Variants in YPEL2 observed in about 807,000 individuals in gnomAD.
YPEL2 encodes the protein protein yippee-like 2.
A neutral mutation model predicts 19.1 loss-of-function variants in YPEL2; 2 were observed. That is an observed-to-expected ratio of 0.10 (90% CI 0.04 to 0.33). The LOEUF (loss-of-function observed/expected upper bound fraction) is 0.33. Ranked by LOEUF, YPEL2 falls within the 10% of genes least tolerant of loss-of-function variation. YPEL2 has a pLI of 1.00. For missense variants in YPEL2, 66 were observed against 140.7 expected (o/e 0.47, Z 2.68); for synonymous variants, 52 against 50.0 (o/e 1.04, Z -0.17).
intron 2 of YPEL2, among the ~76,000 whole-genome samples, chr17:59,359,017 G>A (rs1361246321): frequency 6.7e-6 from 1 of 148,602 alleles, no homozygotes. Context: ...TCTGCTTCCC[G>A]GGTTGAAGTG....
At chr17:59,387,813 C>T (rs1017308538) in intron 2 of YPEL2, among the ~76,000 whole-genome samples, 1 of 152,220 alleles carries the variant, frequency 6.6e-6, no homozygotes, top group Non-Finnish European at 1.5e-5. Flanking sequence ...TTCTAGAAGG[C>T]ATGACAAGCG....
At chr17:59,363,151 G>A (rs914117305) in intron 2 of YPEL2, 1 of 150,690 alleles carries the variant, frequency 6.6e-6, no homozygotes, top group Non-Finnish European at 1.5e-5. Flanking sequence ...TGTATATATA[G>A]ATATATATAT....
chr17:59,376,343 C>T (rs746870544), intron 2 of YPEL2, among the ~76,000 whole-genome samples: 3 of 152,130 alleles, frequency 2.0e-5, no homozygotes, highest in African/African-American at 4.8e-5. Context: ...CCTCAACCTC[C>T]CTAGTAGCTG....
chr17:59,376,177 C>G (rs1446312288), intron 2 of YPEL2, among the ~76,000 whole-genome samples: 1 of 152,160 alleles, frequency 6.6e-6, no homozygotes, highest in Non-Finnish European at 1.5e-5. Context: ...GACTTTAGAG[C>G]CAGACTGCCT....
chr17:59,342,804 T>C (rs2047738364), intron 1 of YPEL2, among the ~76,000 whole-genome samples: 2 of 152,216 alleles, frequency 1.3e-5, no homozygotes, highest in South Asian at 4.1e-4. Context: ...CTTCATTTTT[T>C]TGTGACTCAT....
intron 2 of YPEL2, among the ~76,000 whole-genome samples, chr17:59,386,213 G>C (rs1019094050): frequency 1.3e-5 from 2 of 151,766 alleles, no homozygotes; most frequent in South Asian, 2.1e-4. Flanking sequence ...TGTGGTCCCA[G>C]TTACTCTGGA....
At chr17:59,348,110 G>A (rs969111367) in intron 1 of YPEL2, among the ~76,000 whole-genome samples, 4 of 152,194 alleles carry the variant, frequency 2.6e-5, no homozygotes, top group South Asian at 2.1e-4. Context: ...GGTCAGAGTG[G>A]TTTCGTAACT....
At chr17:59,360,713 T>C (rs2047836513) in intron 2 of YPEL2, among the ~76,000 whole-genome samples, 1 of 138,140 alleles carries the variant, frequency 7.2e-6, no homozygotes, top group East Asian at 2.2e-4. Context: ...CAGTGTTTCT[T>C]GGTGAAAAGA....
intron 2 of YPEL2, among the ~76,000 whole-genome samples, chr17:59,385,533 G>A (rs1245541295): frequency 6.6e-6 from 1 of 152,146 alleles, no homozygotes; most frequent in Non-Finnish European, 1.5e-5. Context: ...AGCCATGATC[G>A]TGCCTTTACA....
chr17:59,353,497 T>C lies in YPEL2; in HGVS notation c.88T>C (p.Leu30=). The change falls in exon 2 of 5, where the codon TTG becomes CTG. Residue 30 remains leucine (L), a synonymous_variant. Coordinates refer to ENST00000312655, the MANE Select transcript of YPEL2 (RefSeq NM_001005404.4). This position sits in a 1 kb window ranked among gnomAD's most constrained non-coding sequence, Gnocchi z 4.8. ...TYSCIHCRAH[L]ANHDELISKS... ...CAGCTGCATTCACTGCAGAGCTCAC[T>C]TGGCCAATCATGATGAACTAATTTC... 6.2e-7 allele frequency: 1 copy of C among 1,614,170 alleles called. No individual in the cohort carries two copies.
chr17:59,386,311 A>T (rs1413200672), intron 2 of YPEL2, among the ~76,000 whole-genome samples: 2 of 151,506 alleles, frequency 1.3e-5, no homozygotes, highest in African/African-American at 4.9e-5. Flanking sequence ...TGGGTGACAG[A>T]GTGGGACTCT....
intron 4 of YPEL2, among the ~76,000 whole-genome samples, chr17:59,394,394 C>T (rs1324331487): frequency 2.1e-5 from 3 of 146,240 alleles, no homozygotes; most frequent in Non-Finnish European, 4.5e-5. Flanking sequence ...GGCAGAGGCG[C>T]TCCCCACATC....
At chr17:59,352,233 C>G (rs954498199) in intron 1 of YPEL2, among the ~76,000 whole-genome samples, 2 of 152,212 alleles carry the variant, frequency 1.3e-5, no homozygotes, top group Non-Finnish European at 2.9e-5. Flanking sequence ...AACACCACCC[C>G]TATTAGTGAA....
chr17:59,400,274 A>G lies in YPEL2; in HGVS notation c.*3084A>G, dbSNP rs1005772966. 7 of 152,756 alleles carry G rather than the reference A, an allele frequency of 4.6e-5. No individual in the cohort carries two copies. The East Asian group carries it at 7.7e-4, about 17-fold the overall frequency. 9.5% of individuals were successfully genotyped at this position (152,756 alleles called of 1,614,324 possible). ...GTGTGCGAAAGAGATGACCCTTTATAAAGAGATTTTCAAGTGGATATATAT... is the reference window on the plus strand; with the variant it reads ...GTGTGCGAAAGAGATGACCCTTTATGAAGAGATTTTCAAGTGGATATATAT... On this transcript the variant is annotated 3_prime_UTR_variant, in exon 5 of 5. Coordinates refer to ENST00000312655, the MANE Select transcript of YPEL2 (RefSeq NM_001005404.4).
intron 2 of YPEL2, among the ~76,000 whole-genome samples, chr17:59,375,986 C>G (rs550442075): frequency 8.5e-5 from 13 of 152,326 alleles, no homozygotes; most frequent in Non-Finnish European, 1.5e-4. Flanking sequence ...GGAAGTTTAA[C>G]AGCTCTAGGC....
At chr17:59,343,446 T>G (rs1351765527) in intron 1 of YPEL2, among the ~76,000 whole-genome samples, 1 of 152,094 alleles carries the variant, frequency 6.6e-6, no homozygotes, top group Non-Finnish European at 1.5e-5. Context: ...ATGAACAGTG[T>G]GATAAAATGC....
chr17:59,360,540 T>C (rs1478001638), intron 2 of YPEL2, among the ~76,000 whole-genome samples: 4 of 152,218 alleles, frequency 2.6e-5, no homozygotes, highest in Non-Finnish European at 5.9e-5. Context: ...AATTACTTAA[T>C]TATTTTCTTC....
chr17:59,389,888 A>G (rs1383158085), intron 4 of YPEL2, among the ~76,000 whole-genome samples: 2 of 152,280 alleles, frequency 1.3e-5, no homozygotes, highest in East Asian at 3.9e-4. Context: ...AATCCATGTA[A>G]TATTCTGTTA....
intron 2 of YPEL2, among the ~76,000 whole-genome samples, chr17:59,365,427 T>G (rs1448509430): frequency 6.6e-6 from 1 of 152,150 alleles, no homozygotes; most frequent in Non-Finnish European, 1.5e-5. Context: ...TTTTAGTCTG[T>G]CAGGTGGTTA....
Sources: allele counts gnomAD v4.1 joint callset (sites outside exome capture counted in the v4.1 genomes callset), GRCh38; gene constraint gnomAD v4.1.1; non-coding constraint Gnocchi (gnomAD v3.1); transcripts MANE v1.5; gene names NCBI Gene and HGNC (gene_info 2026-07-23, HGNC 2026-07-21).